Variants in EZR observed in about 807,000 individuals in gnomAD.
EZR encodes cytovillin 2.
Under a neutral mutation model 74.8 loss-of-function variants are expected in EZR, and 40 were observed. The ratio of observed to expected loss-of-function variants is 0.53; its 90% CI spans 0.42 to 0.70. The LOEUF (loss-of-function observed/expected upper bound fraction) is 0.70. EZR is among the 30% of genes least tolerant of loss of function. The probability of loss-of-function intolerance (pLI) is 0.00; values close to 1 mark genes in which losing one functional copy is unlikely to be tolerated. For synonymous variants in EZR, 341 were observed against 283.3 expected, an observed-to-expected ratio of 1.20 and a Z score of -2.05; for missense variants, 678 against 755.8, an observed-to-expected ratio of 0.90 and a Z score of 1.21.
intron 2 of EZR, among the ~76,000 whole-genome samples, chr6:158,814,073 C>T (rs1233687217): frequency 6.6e-6 from 1 of 152,168 alleles, no homozygotes; most frequent in African/African-American, 2.4e-5. Flanking sequence ...CTACAACTCT[C>T]CCTAGATGGG....
chr6:158,808,831 A>G (rs534890231), intron 2 of EZR, among the ~76,000 whole-genome samples: 1 of 152,184 alleles, frequency 6.6e-6, no homozygotes, highest in Non-Finnish European at 1.5e-5. Context: ...GCTAAACAAC[A>G]AACAAACAAA....
rs138930674 is a variant in EZR at position 158,810,370 on chromosome 6, C to T, written c.12+7712G>A. Among the ~76,000 whole-genome samples, 762 of 152,262 alleles carry T rather than the reference C, an allele frequency of 5.0e-3. 3 individuals are homozygous for T. The highest frequency in any genetic ancestry group is 0.018 in the African/African-American group (728 of 41,540). The stretch of plus-strand genomic sequence containing the variant: ...CACTTACCCAAAGGATCTTACCAGC[C>T]GGGAGGCCCTCCCTGGTCTCCAGGG... On this transcript the variant is annotated intron_variant, in intron 2 of 13. Coordinates refer to ENST00000367075, the MANE Select transcript of EZR (RefSeq NM_001111077.2).
chr6:158,817,728 C>A (rs958920398), intron 2 of EZR, among the ~76,000 whole-genome samples: 1 of 152,158 alleles, frequency 6.6e-6, no homozygotes, highest in Non-Finnish European at 1.5e-5. Flanking sequence ...CCATCTGAGT[C>A]TCCCTGTGAT....
intron 2 of EZR, among the ~76,000 whole-genome samples, chr6:158,790,538 G>C (rs1198770066): frequency 6.6e-6 from 1 of 152,230 alleles, no homozygotes; most frequent in Non-Finnish European, 1.5e-5. Flanking sequence ...GCTGGGCATA[G>C]TGGCGCACGC....
chr6:158,816,499 T>TA (rs1777557373), intron 2 of EZR, among the ~76,000 whole-genome samples: 1 of 152,224 alleles, frequency 6.6e-6, no homozygotes. Context: ...GGTAATCTTC[T>TA]TGACCACTCC....
intron 6 of EZR, 72 bp from the exon 7 acceptor site, chr6:158,783,738 T>A (rs1451022669): frequency 6.7e-7 from 1 of 1,503,638 alleles, no homozygotes; most frequent in Non-Finnish European, 9.1e-7. Flanking sequence ...ACCTTTCCAG[T>A]ATTTTTAAAT....
chr6:158,766,907 CTGGCT>C lies in EZR; in HGVS notation c.*2_*6del, dbSNP rs750431779. On this transcript the variant is annotated 3_prime_UTR_variant, in exon 14 of 14. Coordinates refer to ENST00000367075, the MANE Select transcript of EZR (RefSeq NM_001111077.2). ...GCACCCCTCTGCCCTTGGTCCTGGC[CTGGCT>C]GTTACAGGGCCTCGAACTCGTCGAT... 2 of 1,613,794 alleles carry C rather than the reference CTGGCT, an allele frequency of 1.2e-6. No homozygotes were observed. Among genetic ancestry groups the C allele is most frequent in the Admixed American group, 3.3e-5 (2 of 60,004 alleles).
At position 158,769,438 on chromosome 6, in the gene EZR, C is replaced by G. The variant is rs1791025861; in HGVS notation, c.1252-20G>C. On this transcript the variant is annotated intron_variant, in intron 11 of 13. Coordinates refer to ENST00000367075, the MANE Select transcript of EZR (RefSeq NM_001111077.2). ...CGCAGCCTGGGAAGGGAATGCCAAG[C>G]TCACGTCAGTTCTGATATCCTTTCA... 1 of 1,600,032 alleles carries G rather than the reference C, an allele frequency of 6.2e-7. No homozygotes were observed. Among genetic ancestry groups the G allele is most frequent in the Non-Finnish European group, 8.5e-7 (1 of 1,177,736 alleles).
intron 2 of EZR, chr6:158,789,573 C>T (rs16889184): frequency 0.13 from 93,492 of 723,056 alleles, 6,794 homozygotes; most frequent in African/African-American, 0.18. Flanking sequence ...GCAAACCAAA[C>T]GCAGCTTCTT....
At chr6:158,767,987 T>C (rs988275285) in intron 12 of EZR, among the ~76,000 whole-genome samples, 3 of 151,218 alleles carry the variant, frequency 2.0e-5, no homozygotes, top group African/African-American at 7.3e-5. Context: ...CTCTCCTCAC[T>C]TAACAGGTAC....
At chr6:158,769,237 C>G (rs1032171769) in intron 12 of EZR, 89 bp downstream of exon 12, 3 of 1,137,190 alleles carry the variant, frequency 2.6e-6, no homozygotes, top group African/African-American at 3.0e-5. Context: ...ACCTCTCCCC[C>G]AACCCACCCA....
chr6:158,767,445 G>A lies in EZR; in HGVS notation c.1412C>T (p.Pro471Leu), dbSNP rs139613796. Reference protein sequence around the residue: ...EELHLVMTAPPPPPPPVYEPV... With the variant: ...EELHLVMTAPLPPPPPVYEPV... ...CTCGTACACGGGGGGTGGTGGGGGC[G>A]GGGGTGCTGTCATCACCAGGTGCAG... Residue 471 changes from proline (P) to leucine (L), a missense_variant, in exon 13 of 14, where the codon CCG becomes CTG. Physicochemically the swap from Pro to Leu is moderately conservative, Grantham distance 98 (BLOSUM62 -3). Coordinates refer to ENST00000367075, the MANE Select transcript of EZR (RefSeq NM_001111077.2). The A allele has an allele frequency of 2.9e-4, 470 of 1,612,796 alleles. 2 individuals carry two copies. Among genetic ancestry groups the A allele is most frequent in the East Asian group, 2.3e-3 (104 of 44,864 alleles).
chr6:158,793,121 G>A (rs1023129402), intron 2 of EZR, among the ~76,000 whole-genome samples: 2 of 147,068 alleles, frequency 1.4e-5, no homozygotes, highest in African/African-American at 2.5e-5. Context: ...AGGAATTTGA[G>A]ACCAGCCTGG....
intron 10 of EZR, among the ~76,000 whole-genome samples, chr6:158,770,317 G>A (rs1305412613): frequency 1.3e-5 from 2 of 152,212 alleles, no homozygotes; most frequent in East Asian, 3.8e-4. Flanking sequence ...CAGCATCTGT[G>A]GCGCCTTGTG....
intron 2 of EZR, among the ~76,000 whole-genome samples, chr6:158,807,145 T>C (rs1448946258): frequency 1.3e-5 from 2 of 151,936 alleles, no homozygotes; most frequent in African/African-American, 2.4e-5. Context: ...ACCCCGTCTC[T>C]ACTAAAAAAT....
At chr6:158,817,432 G>C (rs929786976) in intron 2 of EZR, among the ~76,000 whole-genome samples, 1 of 152,174 alleles carries the variant, frequency 6.6e-6, no homozygotes, top group Non-Finnish European at 1.5e-5. Flanking sequence ...AGGAGTGCTC[G>C]GCCCGGCCTG....
At chr6:158,780,378 G>GTA (rs1337336645) in intron 7 of EZR, among the ~76,000 whole-genome samples, 1 of 152,100 alleles carries the variant, frequency 6.6e-6, no homozygotes, top group African/African-American at 2.4e-5. Context: ...CCAACCTCTA[G>GTA]TATATCATAT....
intron 2 of EZR, among the ~76,000 whole-genome samples, chr6:158,797,201 A>G (rs1411449290): frequency 6.6e-6 from 1 of 152,230 alleles, no homozygotes; most frequent in Non-Finnish European, 1.5e-5. Flanking sequence ...GAAAAGTCCA[A>G]GATCAGTTCC....
At chr6:158,810,894 C>G (rs1777438760) in intron 2 of EZR, among the ~76,000 whole-genome samples, 1 of 152,194 alleles carries the variant, frequency 6.6e-6, no homozygotes, top group African/African-American at 2.4e-5. Flanking sequence ...CACTTAAAAA[C>G]TAACTCCCAT....
Sources: gnomAD v4.1 joint callset for allele counts (sites outside exome capture counted in the v4.1 genomes callset) on GRCh38, gnomAD v4.1.1 for gene constraint, MANE v1.5 for transcripts, NCBI Gene and HGNC (gene_info 2026-07-23, HGNC 2026-07-21) for gene names.